STX7: variants seen among roughly 807,000 people sequenced by gnomAD.
STX7 encodes syntaxin-7.
STX7 carries 34 observed loss-of-function variants against 39.6 expected under a neutral mutation model. The observed-to-expected ratio is 0.86, with a 90% CI of 0.65 to 1.14. STX7 has a LOEUF of 1.14. Ranked by LOEUF, STX7 falls within the 50% of genes most tolerant of loss-of-function variation. The pLI is 0.00. For missense variants in STX7, 284 were observed against 310.4 expected (o/e 0.92, Z 0.64); for synonymous variants, 119 against 99.1 (o/e 1.20, Z -1.19).
rs904934306 is a variant in STX7, at chr6:132,450,119, CT to C, written c.*10638del. 2.2e-4 allele frequency: 34 copies of C among 152,294 alleles called. No homozygotes were observed. Among genetic ancestry groups the C allele is most frequent in the African/African-American group, 7.9e-4 (33 of 41,558 alleles). 9.4% of individuals were successfully genotyped at this position (152,294 alleles called of 1,614,324 possible). On this transcript the variant is annotated 3_prime_UTR_variant, in exon 10 of 10. Transcript: ENST00000367941. Reference sequence around the variant, plus strand: ...TCTCAACTACTTTAATTTTAGCCCACTCTCATTGGTAATAGCCTTTAGTGAT... The same window carrying C: ...TCTCAACTACTTTAATTTTAGCCCACCTCATTGGTAATAGCCTTTAGTGAT...
intron 7 of STX7, 66 bp from the exon 8 acceptor site, chr6:132,468,541 T>G: frequency 7.7e-7 from 1 of 1,300,426 alleles, no homozygotes; most frequent in Non-Finnish European, 1.1e-6. Context: ...AGAGGAAAAA[T>G]TTTAAAAACC....
At chr6:132,501,088 T>C (rs1775548264) in intron 2 of STX7, among the ~76,000 whole-genome samples, 1 of 150,834 alleles carries the variant, frequency 6.6e-6, no homozygotes, top group South Asian at 2.1e-4. Flanking sequence ...AAATGGAGTT[T>C]TGCTCTTGTT....
At chr6:132,508,495 T>C (rs1218190147) in intron 1 of STX7, among the ~76,000 whole-genome samples, 2 of 152,184 alleles carry the variant, frequency 1.3e-5, no homozygotes, top group Non-Finnish European at 2.9e-5. Context: ...ACTGGAATTA[T>C]GAGTTTTGTT....
intron 2 of STX7, among the ~76,000 whole-genome samples, 155 bp from the exon 3 acceptor site, chr6:132,475,817 A>G (rs1774860641): frequency 6.6e-6 from 1 of 152,190 alleles, no homozygotes; most frequent in African/African-American, 2.4e-5. Context: ...GAATAACTAA[A>G]TGGTTTACTT....
At chr6:132,484,334 G>C (rs981447363) in intron 2 of STX7, among the ~76,000 whole-genome samples, 4 of 152,136 alleles carry the variant, frequency 2.6e-5, no homozygotes, top group Non-Finnish European at 5.9e-5. Flanking sequence ...TCTGTTCCAC[G>C]TGGGTCTGCT....
chr6:132,482,372 C>G (rs1775034135), intron 2 of STX7, among the ~76,000 whole-genome samples: 1 of 152,000 alleles, frequency 6.6e-6, no homozygotes, highest in Non-Finnish European at 1.5e-5. Context: ...TGATAAAGGG[C>G]TTATAGGAAC....
Position 132,456,314 on chromosome 6 carries a change from C to T in STX7, c.*4444G>A, listed in dbSNP as rs1367420602. 3.3e-5 allele frequency: 5 copies of T among 152,210 alleles called. No individual in the cohort carries two copies. The highest frequency in any genetic ancestry group is 7.3e-5 in the Non-Finnish European group (5 of 68,036). The allele number at this position is 152,210 out of a possible 1,614,324, so 9.4% of individuals were successfully genotyped here. ...GTCCAAACGGAGATTTATATTTAGA[C>T]ATTCCCTTTCTTCCTTGCCTCATTC... On this transcript the variant is annotated 3_prime_UTR_variant, in exon 10 of 10. Coordinates refer to ENST00000367941, the MANE Select transcript of STX7 (RefSeq NM_003569.3).
chr6:132,461,867 A>T, intron 9 of STX7: 1 of 1,539,082 alleles, frequency 6.5e-7, no homozygotes, highest in South Asian at 1.2e-5. Flanking sequence ...TTTTCTTACA[A>T]AGTAGAAAAA....
chr6:132,460,761 G>A lies in STX7; in HGVS notation c.783C>T (p.His261=). 6.2e-7 allele frequency: 1 copy of A among 1,609,386 alleles called. No homozygotes were observed. Among genetic ancestry groups the A allele is most frequent in the Non-Finnish European group, 8.5e-7 (1 of 1,176,398 alleles). ...GACAGTGTGCTCCTTTATAACTTCA[G>A]TGGTTCAATCCCCATATGATGAGAC... is the stretch of plus-strand genomic sequence containing the variant. The part of the protein sequence containing the change: ...IISLIIWGLN[H] Residue 261 remains histidine (H), a synonymous_variant, in exon 10 of 10, where the codon CAC becomes CAT. Coordinates refer to ENST00000367941, the MANE Select transcript of STX7 (RefSeq NM_003569.3).
At chr6:132,504,390 A>C (rs1186554027) in intron 1 of STX7, among the ~76,000 whole-genome samples, 1 of 152,226 alleles carries the variant, frequency 6.6e-6, no homozygotes, top group Non-Finnish European at 1.5e-5. Context: ...ATACTGCCAC[A>C]GGAGGCAGGT....
chr6:132,467,984 AC>A (rs1459212727), intron 8 of STX7, among the ~76,000 whole-genome samples: 1 of 152,204 alleles, frequency 6.6e-6, no homozygotes, highest in Non-Finnish European at 1.5e-5. Context: ...GCAAATGTCT[AC>A]CTATTCCCTA....
rs1774477654 is a variant in STX7 at position 132,463,642 on chromosome 6, A to G, written c.693+351T>C. 2.0e-5 allele frequency among the ~76,000 whole-genome samples: 3 copies of G among 152,190 alleles called. 1 individual carries two copies. Among genetic ancestry groups the G allele is most frequent in the South Asian group, 4.1e-4 (2 of 4,826 alleles). On this transcript the variant is annotated intron_variant, in intron 9 of 9. Coordinates refer to ENST00000367941, the MANE Select transcript of STX7 (RefSeq NM_003569.3). ...AAAGAAAGAAAAAGTAAAAGGGAGCAGCAAGAAATGGGAAGGAGGGGCCTA... is the reference window on the plus strand; with the variant it reads ...AAAGAAAGAAAAAGTAAAAGGGAGCGGCAAGAAATGGGAAGGAGGGGCCTA...
At chr6:132,509,813 T>C (rs1015192742) in intron 1 of STX7, among the ~76,000 whole-genome samples, 1 of 152,112 alleles carries the variant, frequency 6.6e-6, no homozygotes. Flanking sequence ...TAACTACAAA[T>C]TGATTAAAAG....
chr6:132,484,474 TG>T lies in STX7; in HGVS notation c.86-8813del, dbSNP rs368349962. Among the ~76,000 whole-genome samples, 22 of 152,248 alleles carry T rather than the reference TG, an allele frequency of 1.4e-4. 1 individual carries two copies. In the South Asian group the frequency reaches 4.6e-3, roughly 32 times the overall value. ...CCACCCGTCAGACTTCACCAGCAAA[TG>T]GATGCTGTCTGACAAATGAGACTGG... is the stretch of plus-strand genomic sequence containing the variant. On this transcript the variant is annotated intron_variant, in intron 2 of 9. Coordinates refer to ENST00000367941, the MANE Select transcript of STX7 (RefSeq NM_003569.3).
intron 2 of STX7, among the ~76,000 whole-genome samples, chr6:132,491,583 A>G (rs1286465905): frequency 2.0e-5 from 3 of 151,832 alleles, no homozygotes; most frequent in African/African-American, 7.3e-5. Flanking sequence ...TCCTATCTTA[A>G]TTTTTTTGTG....
chr6:132,506,315 C>A (rs1213406823), intron 1 of STX7, among the ~76,000 whole-genome samples: 1 of 152,006 alleles, frequency 6.6e-6, no homozygotes, highest in Non-Finnish European at 1.5e-5. Context: ...AACAGACAAC[C>A]TGCAGAATGG....
In STX7 at chr6:132,450,938, A is replaced by G. The variant is rs1774124393; in HGVS notation, c.*9820T>C. The G allele has an allele frequency of 6.6e-6, 1 of 152,074 alleles. No individual in the cohort carries two copies. The highest frequency in any genetic ancestry group is 1.5e-5 in the Non-Finnish European group (1 of 67,984). The allele number at this position is 152,074 out of a possible 1,614,324, so 9.4% of individuals were successfully genotyped here. On this transcript the variant is annotated 3_prime_UTR_variant, in exon 10 of 10. Coordinates refer to ENST00000367941, the MANE Select transcript of STX7 (RefSeq NM_003569.3). ...TATAGATGGTGAGAAGACCTCAAATATAATAAACCCCCCAAATCTACAAGA... is the reference window on the plus strand; with the variant it reads ...TATAGATGGTGAGAAGACCTCAAATGTAATAAACCCCCCAAATCTACAAGA...
At chr6:132,495,453 C>A (rs767884112) in intron 2 of STX7, among the ~76,000 whole-genome samples, 3 of 152,110 alleles carry the variant, frequency 2.0e-5, no homozygotes, top group Non-Finnish European at 2.9e-5. Context: ...ATATTTCAAA[C>A]AGCATTTTAG....
intron 8 of STX7, 122 bp downstream of exon 8, chr6:132,468,281 C>T: frequency 4.1e-6 from 3 of 730,584 alleles, no homozygotes; most frequent in East Asian, 2.6e-5. Flanking sequence ...ATAGACCATG[C>T]TTTTGGTTCC....
Sources: allele counts gnomAD v4.1 joint callset (sites outside exome capture counted in the v4.1 genomes callset), GRCh38; gene constraint gnomAD v4.1.1; transcripts MANE v1.5; gene names NCBI Gene and HGNC (gene_info 2026-07-23, HGNC 2026-07-21).